The following BMP5 variants were observed in gnomAD, a reference collection of about 807,000 sequenced individuals.
The protein encoded by BMP5 is bone morphogenetic protein 5.
In BMP5, 23 loss-of-function variants were observed where a neutral mutation model predicts 46.6. The ratio of observed to expected loss-of-function variants is 0.49; its 90% CI spans 0.35 to 0.70. The LOEUF is 0.70. Ranked by LOEUF, BMP5 falls within the 30% of genes least tolerant of loss-of-function variation. The pLI is 0.00. For synonymous variants in BMP5, 204 were observed against 191.9 expected (o/e 1.06, Z -0.52); for missense variants, 545 against 565.6 (o/e 0.96, Z 0.37).
intron 1 of BMP5, among the ~76,000 whole-genome samples, chr6:55,854,742 C>T (rs542995240): frequency 1.1e-4 from 16 of 152,094 alleles, no homozygotes; most frequent in Middle Eastern, 3.6e-3. Context: ...TTAAATCATC[C>T]TTTCATTTCT....
rs372668923 is a variant in BMP5, at chr6:55,866,557, A to G, written c.490+7819T>C. Among the ~76,000 whole-genome samples, 18 of 152,306 alleles carry G rather than the reference A, an allele frequency of 1.2e-4. No homozygotes were observed. The South Asian group carries it at 2.7e-3, about 23-fold the overall frequency. ...CAGGAGGTATGGCATACAATTGACA[A>G]TAAACAGGGATTTGAAAAATATATT... is the stretch of plus-strand genomic sequence containing the variant. On this transcript the variant is annotated intron_variant, in intron 1 of 6. Coordinates refer to ENST00000370830, the MANE Select transcript of BMP5 (RefSeq NM_021073.4).
Position 55,755,538 on chromosome 6 carries a change from G to T in BMP5, c.1360C>A (p.His454Asn). Residue 454 changes from histidine to asparagine, a missense_variant, in exon 7 of 7, where the codon CAC (histidine) becomes AAC (asparagine). Physicochemically the swap from His to Asn is moderately conservative, Grantham distance 68. Coordinates refer to ENST00000370830, the MANE Select transcript of BMP5 (RefSeq NM_021073.4). ...ATTATCAATATTATTTAATATTAGT[G>T]GCAGCCACATGAGCGTACTACCATA... ...RNMVVRSCGC[H>N] 1.2e-6 allele frequency: 2 copies of T among 1,608,562 alleles called. No homozygotes were observed. Among genetic ancestry groups the T allele is most frequent in the Non-Finnish European group, 1.7e-6 (2 of 1,175,994 alleles).
At chr6:55,764,505 G>A (rs1562026239) in intron 4 of BMP5, among the ~76,000 whole-genome samples, 1 of 151,344 alleles carries the variant, frequency 6.6e-6, no homozygotes, top group Non-Finnish European at 1.5e-5. Flanking sequence ...CCCGGGAGGC[G>A]GAGCTTGCAG....
intron 4 of BMP5, among the ~76,000 whole-genome samples, chr6:55,773,718 T>G (rs1775100792): frequency 6.6e-6 from 1 of 151,982 alleles, no homozygotes; most frequent in Admixed American, 6.6e-5. Flanking sequence ...ACCATCCATT[T>G]TTGAAAGGCC....
Position 55,755,540 on chromosome 6 carries a change from C to A in BMP5, c.1358G>T (p.Cys453Phe), listed in dbSNP as rs1162290178. The change falls in exon 7 of 7, where the codon TGC becomes TTC. Residue 453 changes from cysteine (C) to phenylalanine (F), a missense_variant. By Grantham distance (205) the Cys-to-Phe change is radical. Coordinates refer to ENST00000370830, the MANE Select transcript of BMP5 (RefSeq NM_021073.4). ...YRNMVVRSCGCH is the reference protein window; with the variant it reads ...YRNMVVRSCGFH ...TATCAATATTATTTAATATTAGTGG[C>A]AGCCACATGAGCGTACTACCATATT... is the stretch of plus-strand genomic sequence containing the variant. 1.2e-5 allele frequency: 19 copies of A among 1,609,162 alleles called. No individual in the cohort carries two copies. Among genetic ancestry groups the A allele is most frequent in the Non-Finnish European group, 1.6e-5 (19 of 1,176,380 alleles).
intron 1 of BMP5, among the ~76,000 whole-genome samples, chr6:55,834,427 C>T (rs1776739223): frequency 6.6e-6 from 1 of 152,018 alleles, no homozygotes; most frequent in Non-Finnish European, 1.5e-5. Context: ...TGTAACATGC[C>T]TTGCCTCTTA....
At chr6:55,802,771 C>A (rs759509510) in intron 2 of BMP5, among the ~76,000 whole-genome samples, 2 of 151,084 alleles carry the variant, frequency 1.3e-5, no homozygotes, top group Non-Finnish European at 2.9e-5. Context: ...ACCACAAGTA[C>A]TTTTGCACCT....
rs142869311 is a variant in BMP5, at chr6:55,770,379, T to A, written c.1027+3670A>T. Among the ~76,000 whole-genome samples, 58 of 152,064 alleles carry A rather than the reference T, an allele frequency of 3.8e-4. 1 individual carries two copies. In the East Asian group the frequency reaches 0.01, roughly 28 times the overall value. On this transcript the variant is annotated intron_variant, in intron 4 of 6. Transcript: ENST00000370830. ...GAACCAATATCTGCTACTTTCAGAC[T>A]TTTCTTCTGCAGCTTCCTCAGCTCT...
chr6:55,841,603 T>G (rs1005501797), intron 1 of BMP5, among the ~76,000 whole-genome samples: 2 of 151,242 alleles, frequency 1.3e-5, no homozygotes, highest in African/African-American at 2.4e-5. Flanking sequence ...GGTGGTGGTG[T>G]TTGTTTGTTT....
At chr6:55,858,773 G>A (rs1274281235) in intron 1 of BMP5, among the ~76,000 whole-genome samples, 1 of 152,166 alleles carries the variant, frequency 6.6e-6, no homozygotes, top group African/African-American at 2.4e-5. Flanking sequence ...AGAAAATGTG[G>A]CACATATACA....
At chr6:55,840,726 A>G (rs1183026239) in intron 1 of BMP5, among the ~76,000 whole-genome samples, 1 of 152,212 alleles carries the variant, frequency 6.6e-6, no homozygotes, top group Non-Finnish European at 1.5e-5. Context: ...ATGAGAAATG[A>G]GCCATCATTT....
At chr6:55,770,091 G>C (rs1160043060) in intron 4 of BMP5, among the ~76,000 whole-genome samples, 1 of 151,806 alleles carries the variant, frequency 6.6e-6, no homozygotes, top group Non-Finnish European at 1.5e-5. Flanking sequence ...ATCTCACCAG[G>C]TATATTAGCC....
At chr6:55,808,949 T>C (rs1328724736) in intron 2 of BMP5, among the ~76,000 whole-genome samples, 1 of 152,152 alleles carries the variant, frequency 6.6e-6, no homozygotes, top group Non-Finnish European at 1.5e-5. Flanking sequence ...AGCCACACTA[T>C]CCATGTACCT....
intron 1 of BMP5, among the ~76,000 whole-genome samples, chr6:55,866,758 A>G (rs538140898): frequency 1.3e-5 from 2 of 152,104 alleles, no homozygotes; most frequent in Non-Finnish European, 2.9e-5. Context: ...TTTCTCTAAA[A>G]TGGTTTTAAT....
In BMP5 at chr6:55,803,326, C is replaced by A. The variant is rs1042797152; in HGVS notation, c.684-8899G>T. 3.3e-5 allele frequency among the ~76,000 whole-genome samples: 5 copies of A among 151,232 alleles called. No individual in the cohort carries two copies. The South Asian group carries it at 8.4e-4, about 25-fold the overall frequency. Reference sequence around the variant, plus strand: ...AAAACAAAACAAACAAAAAAAAAAACAGGAAGAAGTTATGAATGGGTATAA... The same window carrying A: ...AAAACAAAACAAACAAAAAAAAAAAAAGGAAGAAGTTATGAATGGGTATAA... On this transcript the variant is annotated intron_variant, in intron 2 of 6. Transcript: ENST00000370830.
chr6:55,828,292 T>C (rs1776578569), intron 1 of BMP5, among the ~76,000 whole-genome samples: 1 of 151,848 alleles, frequency 6.6e-6, no homozygotes, highest in African/African-American at 2.4e-5. Flanking sequence ...AGATTGGGAC[T>C]ATCAAATGTG....
chr6:55,797,763 CCTG>C (rs1326151674), intron 2 of BMP5, among the ~76,000 whole-genome samples: 1 of 151,806 alleles, frequency 6.6e-6, no homozygotes, highest in Non-Finnish European at 1.5e-5. Flanking sequence ...ACTACAGGCG[CCTG>C]CCACCACGCC....
At chr6:55,843,228 G>C (rs2127546430) in intron 1 of BMP5, among the ~76,000 whole-genome samples, 1 of 152,120 alleles carries the variant, frequency 6.6e-6, no homozygotes, top group East Asian at 1.9e-4. Flanking sequence ...TTACTGATAA[G>C]TAATTAGCTT....
chr6:55,815,018 A>T (rs1263813485), intron 2 of BMP5, among the ~76,000 whole-genome samples: 2 of 151,870 alleles, frequency 1.3e-5, no homozygotes, highest in Non-Finnish European at 2.9e-5. Flanking sequence ...CTGTAGTCCC[A>T]GCTACTCAGG....
Sources: allele counts gnomAD v4.1 joint callset (sites outside exome capture counted in the v4.1 genomes callset), GRCh38; gene constraint gnomAD v4.1.1; transcripts MANE v1.5; gene names NCBI Gene and HGNC (gene_info 2026-07-23, HGNC 2026-07-21).